Variants in FAM78B observed in about 807,000 individuals in gnomAD.
The protein encoded by FAM78B is family with sequence similarity 78 member B, also known as protein FAM78B.
In FAM78B, 10 loss-of-function variants were observed where a neutral mutation model predicts 20.0. That is an observed-to-expected ratio of 0.50 (90% CI 0.31 to 0.85). The LOEUF is 0.85. Ranked by LOEUF, FAM78B falls within the 40% of genes least tolerant of loss-of-function variation. The pLI is 0.05. For missense variants in FAM78B, 283 were observed against 345.0 expected (o/e 0.82, Z 1.42); for synonymous variants, 135 against 132.8 (o/e 1.02, Z -0.12).
chr1:166,102,685 C>T (rs1331209217), intron 1 of FAM78B, among the ~76,000 whole-genome samples: 1 of 152,180 alleles, frequency 6.6e-6, no homozygotes, highest in Non-Finnish European at 1.5e-5. Context: ...GCGCCCAATA[C>T]AGGAGCACCC....
downstream of FAM78B, among the ~76,000 whole-genome samples, chr1:166,068,655 G>A (rs1368315126): frequency 6.6e-6 from 1 of 152,208 alleles, no homozygotes; most frequent in Non-Finnish European, 1.5e-5. Context: ...AGCCAACCAT[G>A]AGATTGTAAA....
intron 1 of FAM78B, among the ~76,000 whole-genome samples, chr1:166,114,804 T>C (rs1654196912): frequency 6.6e-6 from 1 of 152,210 alleles, no homozygotes; most frequent in African/African-American, 2.4e-5. Flanking sequence ...TTTTTTGTTG[T>C]TGTTCTCTTT....
At chr1:166,134,712 G>A (rs185977220) in intron 1 of FAM78B, among the ~76,000 whole-genome samples, 18 of 152,192 alleles carry the variant, frequency 1.2e-4, no homozygotes, top group Admixed American at 2.0e-4. Context: ...AAGGCTCACC[G>A]GAGAATATGG....
chr1:166,113,046 T>C (rs952818872), intron 1 of FAM78B, among the ~76,000 whole-genome samples: 1 of 152,216 alleles, frequency 6.6e-6, no homozygotes, highest in African/African-American at 2.4e-5. Flanking sequence ...CAGAAACTTA[T>C]TGTAGGGAAA....
chr1:166,142,527 G>A lies in FAM78B; in HGVS notation c.263+23459C>T, dbSNP rs150459212. On this transcript the variant is annotated intron_variant, in intron 1 of 1. Transcript: ENST00000354422. Reference sequence around the variant, plus strand: ...TCCCCTCAAGGATCTTGAGGTCTAAGTGGGAAAAGAGGAAGACTATTTTTA... The same window carrying A: ...TCCCCTCAAGGATCTTGAGGTCTAAATGGGAAAAGAGGAAGACTATTTTTA... Among the ~76,000 whole-genome samples the A allele has an allele frequency of 3.7e-4, 57 of 152,336 alleles. 1 individual carries two copies. The East Asian group carries it at 0.011, about 28-fold the overall frequency.
intron 1 of FAM78B, among the ~76,000 whole-genome samples, chr1:166,130,105 C>T (rs536714205): frequency 3.6e-4 from 55 of 152,296 alleles, no homozygotes; most frequent in African/African-American, 1.3e-3. Context: ...CTGAGCATGC[C>T]TTTCTGGTCT....
At chr1:166,114,832 A>G (rs1219721116) in intron 1 of FAM78B, among the ~76,000 whole-genome samples, 1 of 152,194 alleles carries the variant, frequency 6.6e-6, no homozygotes, top group African/African-American at 2.4e-5. Context: ...CCAAACTCAG[A>G]AACCATGGCC....
intron 1 of FAM78B, among the ~76,000 whole-genome samples, chr1:166,122,478 T>C (rs1220215958): frequency 3.9e-5 from 6 of 152,244 alleles, no homozygotes; most frequent in African/African-American, 1.4e-4. Flanking sequence ...TACATGTTTA[T>C]AAAGCTTATT....
chr1:166,165,988 G>A lies in FAM78B; in HGVS notation c.261C>T (p.Gly87=), dbSNP rs746964555. ...GTGCCGCGCGGCGAGTCGCTTACAT[G>A]CCCAGGTCGCTGTAGGTGTTGAAGA... is the stretch of plus-strand genomic sequence containing the variant. ...MEFFNTYSDL[G]MSSWELPDLR... The change falls in exon 1 of 2, where the codon GGC becomes GGT. Residue 87 remains glycine, a splice_region_variant and synonymous_variant. Transcript: ENST00000354422. 2 of 1,604,822 alleles carry A rather than the reference G, an allele frequency of 1.2e-6. No individual in the cohort carries two copies. The highest frequency in any genetic ancestry group is 1.1e-5 in the South Asian group (1 of 90,976).
chr1:166,133,161 G>C (rs1375818766), intron 1 of FAM78B, among the ~76,000 whole-genome samples: 1 of 152,156 alleles, frequency 6.6e-6, no homozygotes, highest in African/African-American at 2.4e-5. Context: ...ATTTCTGCTA[G>C]AGGTTAGACC....
intron 1 of FAM78B, among the ~76,000 whole-genome samples, chr1:166,118,240 G>C (rs1229703806): frequency 6.6e-6 from 1 of 152,180 alleles, no homozygotes; most frequent in African/African-American, 2.4e-5. Context: ...GCAGAATACA[G>C]ATAACCAGGA....
Position 166,080,859 on chromosome 1 carries a change from C to T in FAM78B, c.264-10096G>A, listed in dbSNP as rs564021153. On this transcript the variant is annotated intron_variant, in intron 1 of 1. Coordinates refer to ENST00000354422, the MANE Select transcript of FAM78B (RefSeq NM_001017961.5). ...TGGGACAGTGAAGAGAGAGGAGGCA[C>T]GGAGGTGGAGTCTGACACAAGGCTG... Among the ~76,000 whole-genome samples, 4 of 152,180 alleles carry T rather than the reference C, an allele frequency of 2.6e-5. No individual in the cohort carries two copies. The South Asian group carries it at 8.3e-4, about 32-fold the overall frequency.
At chr1:166,099,610 AG>A (rs1206799966) in intron 1 of FAM78B, among the ~76,000 whole-genome samples, 1 of 152,216 alleles carries the variant, frequency 6.6e-6, no homozygotes, top group Non-Finnish European at 1.5e-5. Context: ...AGCAGCGAGC[AG>A]GGGTAGGTAG....
At chr1:166,092,065 G>A (rs1653098742) in intron 1 of FAM78B, among the ~76,000 whole-genome samples, 2 of 144,956 alleles carry the variant, frequency 1.4e-5, no homozygotes, top group African/African-American at 5.0e-5. Flanking sequence ...AACAAAAAGT[G>A]GGGGAAGCTT....
chr1:166,062,600 C>T (rs1002351519), intron 2 of FAM78B, among the ~76,000 whole-genome samples: 3 of 152,326 alleles, frequency 2.0e-5, no homozygotes, highest in East Asian at 1.9e-4. Context: ...TGTGCATGTG[C>T]GTGTACAAAG....
chr1:166,063,247 ACTCAC>A (rs1190401674), intron 2 of FAM78B, among the ~76,000 whole-genome samples: 1 of 152,308 alleles, frequency 6.6e-6, no homozygotes, highest in East Asian at 1.9e-4. Context: ...CATAGAAGAC[ACTCAC>A]TACAGACTTG....
At position 166,131,742 on chromosome 1, in the gene FAM78B, A is replaced by G. The variant is rs778572981; in HGVS notation, c.263+34244T>C. On this transcript the variant is annotated intron_variant, in intron 1 of 1. Coordinates refer to ENST00000354422, the MANE Select transcript of FAM78B (RefSeq NM_001017961.5). ...TGTCCCTTAGAAGAAAATAGTAAAC[A>G]TATTTTTACTATGTTTTATGAAAAA... Among the ~76,000 whole-genome samples, 30 of 152,096 alleles carry G rather than the reference A, an allele frequency of 2.0e-4. 1 individual carries two copies. Among genetic ancestry groups the G allele is most frequent in the Non-Finnish European group, 4.4e-4 (30 of 68,016 alleles).
At chr1:166,165,521 G>A (rs144246177) in intron 1 of FAM78B, among the ~76,000 whole-genome samples, 29 of 152,256 alleles carry the variant, frequency 1.9e-4, no homozygotes, top group African/African-American at 6.7e-4. Flanking sequence ...CGGATGCCCG[G>A]GACCTGCTCT....
At chr1:166,147,403 T>G (rs1022746057) in intron 1 of FAM78B, among the ~76,000 whole-genome samples, 5 of 152,142 alleles carry the variant, frequency 3.3e-5, no homozygotes, top group Admixed American at 3.3e-4. Context: ...CCAGACCTTC[T>G]TGGGGAACTG....
Sources: allele counts gnomAD v4.1 joint callset (sites outside exome capture counted in the v4.1 genomes callset), GRCh38; gene constraint gnomAD v4.1.1; transcripts MANE v1.5; gene names NCBI Gene and HGNC (gene_info 2026-07-23, HGNC 2026-07-21).